The following SPAG16 variants were observed in gnomAD, a reference collection of about 807,000 sequenced individuals.
The protein encoded by SPAG16 is sperm-associated antigen 16 protein.
A neutral mutation model predicts 80.4 loss-of-function variants in SPAG16; 86 were observed. The ratio of observed to expected loss-of-function variants is 1.07; its 90% CI spans 0.90 to 1.28. The LOEUF (loss-of-function observed/expected upper bound fraction) is 1.28. SPAG16 is among the 50% of genes most tolerant of loss of function. The pLI, the probability that SPAG16 is intolerant of heterozygous loss-of-function variation, is 0.00. For synonymous variants in SPAG16, 294 were observed against 265.9 expected (o/e 1.11, Z -1.03); for missense variants, 870 against 765.3 (o/e 1.14, Z -1.61).
intron 10 of SPAG16, among the ~76,000 whole-genome samples, chr2:213,775,772 T>C (rs2069537988): frequency 6.6e-6 from 1 of 152,258 alleles, no homozygotes; most frequent in South Asian, 2.1e-4. Flanking sequence ...TAGAAGTCAC[T>C]GATATCCTTT....
chr2:214,070,429 T>C (rs1003930237), intron 13 of SPAG16, among the ~76,000 whole-genome samples: 2 of 152,108 alleles, frequency 1.3e-5, no homozygotes, highest in African/African-American at 2.4e-5. Flanking sequence ...GTCCAAAGGC[T>C]ACTTATCAAA....
intron 10 of SPAG16, among the ~76,000 whole-genome samples, chr2:213,766,074 T>C (rs2068923947): frequency 6.6e-6 from 1 of 152,246 alleles, no homozygotes; most frequent in African/African-American, 2.4e-5. Context: ...TATGGAAGAA[T>C]ACACTGTGTC....
At chr2:214,119,291 T>G (rs574280751) in intron 14 of SPAG16, among the ~76,000 whole-genome samples, 74 of 152,240 alleles carry the variant, frequency 4.9e-4, no homozygotes, top group Non-Finnish European at 9.0e-4. Context: ...GAAGTAGATA[T>G]TTATTTTAAA....
chr2:213,832,374 G>C (rs887550441), intron 10 of SPAG16, among the ~76,000 whole-genome samples: 1 of 152,040 alleles, frequency 6.6e-6, no homozygotes, highest in African/African-American at 2.4e-5. Flanking sequence ...TGAACTGAAG[G>C]ACATCAGAAG....
intron 11 of SPAG16, among the ~76,000 whole-genome samples, chr2:213,884,065 T>C (rs1198316103): frequency 6.6e-6 from 1 of 152,164 alleles, no homozygotes; most frequent in Non-Finnish European, 1.5e-5. Flanking sequence ...TAGCTGGTTG[T>C]CATGTAGATT....
chr2:214,116,349 C>A (rs71428330), intron 14 of SPAG16, among the ~76,000 whole-genome samples: 1 of 152,220 alleles, frequency 6.6e-6, no homozygotes, highest in East Asian at 1.9e-4. Context: ...ATTCTCTCAA[C>A]CTGGGAGTCT....
chr2:213,347,292 C>T (rs1423076086), intron 6 of SPAG16, among the ~76,000 whole-genome samples: 1 of 151,816 alleles, frequency 6.6e-6, no homozygotes, highest in African/African-American at 2.4e-5. Flanking sequence ...CTTTATTAGT[C>T]TTGCTAGTGG....
chr2:213,312,176 CA>C (rs2063215537), intron 4 of SPAG16, among the ~76,000 whole-genome samples: 1 of 151,568 alleles, frequency 6.6e-6, no homozygotes, highest in Non-Finnish European at 1.5e-5. Context: ...ATAGTTTTGC[CA>C]ATTCTAAAAT....
intron 12 of SPAG16, among the ~76,000 whole-genome samples, chr2:213,951,737 C>T (rs1279436997): frequency 6.6e-6 from 1 of 151,938 alleles, no homozygotes; most frequent in African/African-American, 2.4e-5. Flanking sequence ...AGGAATATGC[C>T]AAAATGCATG....
At chr2:213,822,173 A>G (rs2125695797) in intron 10 of SPAG16, among the ~76,000 whole-genome samples, 1 of 152,300 alleles carries the variant, frequency 6.6e-6, no homozygotes, top group Non-Finnish European at 1.5e-5. Flanking sequence ...CCAACAGTGT[A>G]TGAGGGGTCC....
intron 7 of SPAG16, among the ~76,000 whole-genome samples, chr2:213,352,982 A>G (rs10804214): frequency 0.39 from 59,446 of 152,010 alleles, 12,342 homozygotes; most frequent in East Asian, 0.67. Flanking sequence ...ATTAGTGCTC[A>G]TTTTCTTCCT....
intron 15 of SPAG16, among the ~76,000 whole-genome samples, chr2:214,216,691 T>C (rs1306379855): frequency 1.3e-5 from 2 of 152,198 alleles, no homozygotes; most frequent in Non-Finnish European, 2.9e-5. Flanking sequence ...TTTCCAAATT[T>C]TGGGTAAAGA....
intron 10 of SPAG16, among the ~76,000 whole-genome samples, chr2:213,830,189 G>T (rs570071891): frequency 3.3e-5 from 5 of 152,246 alleles, no homozygotes; most frequent in African/African-American, 1.2e-4. Flanking sequence ...CCAACCAGTG[G>T]GATGGCAATT....
At position 214,410,304 on chromosome 2, in the gene SPAG16, A is replaced by G. The variant is rs143947286; in HGVS notation, c.1885A>G (p.Thr629Ala). Reference sequence around the variant, plus strand: ...TGGAGGCTCTGACGGCACAGTTCGAACGTGGTCTTGACCGTCAGCACATCC... The same window carrying G: ...TGGAGGCTCTGACGGCACAGTTCGAGCGTGGTCTTGACCGTCAGCACATCC... Reference protein sequence around the residue: ...FSGGSDGTVRTWS With the variant: ...FSGGSDGTVRAWS The change falls in exon 16 of 16, where the codon ACG becomes GCG. Residue 629 changes from threonine to alanine, a missense_variant. Physicochemically the swap from Thr to Ala is moderately conservative, Grantham distance 58. Coordinates refer to ENST00000331683, the MANE Select transcript of SPAG16 (RefSeq NM_024532.5). The G allele has an allele frequency of 3.4e-5, 55 of 1,598,348 alleles. No homozygotes were observed. The African/African-American group carries it at 7.0e-4, about 20-fold the overall frequency.
chr2:214,161,581 G>C (rs1559094579), intron 15 of SPAG16, among the ~76,000 whole-genome samples: 1 of 152,048 alleles, frequency 6.6e-6, no homozygotes, highest in Non-Finnish European at 1.5e-5. Flanking sequence ...TCACATGTTT[G>C]TTGGTGGCAT....
intron 14 of SPAG16, among the ~76,000 whole-genome samples, chr2:214,133,281 T>C (rs1359783151): frequency 1.3e-5 from 2 of 152,056 alleles, no homozygotes; most frequent in Admixed American, 1.3e-4. Context: ...AGGGGCACTT[T>C]CTAGTTGCGA....
chr2:213,717,161 T>TTTTTTTTTTTTTTTTTTTG, intron 10 of SPAG16, among the ~76,000 whole-genome samples: 1 of 151,118 alleles, frequency 6.6e-6, no homozygotes. Flanking sequence ...TTTTCATTTT[T>TTTTTTTTTTTTTTTTTTTG]TTTTTTTTTT....
intron 10 of SPAG16, among the ~76,000 whole-genome samples, chr2:213,610,592 G>A (rs1377688244): frequency 8.5e-5 from 13 of 152,150 alleles, no homozygotes. Flanking sequence ...CCCCAAAAGA[G>A]AGTTCTTGGA....
chr2:214,085,066 G>T (rs2125280211), intron 13 of SPAG16, among the ~76,000 whole-genome samples: 1 of 152,258 alleles, frequency 6.6e-6, no homozygotes, highest in South Asian at 2.1e-4. Context: ...TCTTTAATAA[G>T]AACTAGGCAG....
Sources: allele counts gnomAD v4.1 joint callset (sites outside exome capture counted in the v4.1 genomes callset), GRCh38; gene constraint gnomAD v4.1.1; transcripts MANE v1.5; gene names NCBI Gene and HGNC (gene_info 2026-07-23, HGNC 2026-07-21).